MMD2: variants seen among roughly 807,000 people sequenced by gnomAD.
MMD2 encodes the protein monocyte to macrophage differentiation factor 2.
A neutral mutation model predicts 33.5 loss-of-function variants in MMD2; 30 were observed. That is an observed-to-expected ratio of 0.90 (90% CI 0.67 to 1.22). The LOEUF (loss-of-function observed/expected upper bound fraction) is 1.22, where lower values mean the gene tolerates loss of function less well. Ranked by LOEUF, MMD2 falls within the 50% of genes most tolerant of loss-of-function variation. The pLI, the probability that MMD2 is intolerant of heterozygous loss-of-function variation, is 0.00. For synonymous variants in MMD2, 129 were observed against 123.0 expected, an observed-to-expected ratio of 1.05 and a Z score of -0.32; for missense variants, 364 against 325.4, an observed-to-expected ratio of 1.12 and a Z score of -0.91.
Position 4,946,221 on chromosome 7 carries a change from A to G in MMD2, c.47+12750T>C, listed in dbSNP as rs983024172. Among the ~76,000 whole-genome samples, 13 of 151,460 alleles carry G rather than the reference A, an allele frequency of 8.6e-5. No individual in the cohort carries two copies. The highest frequency in any genetic ancestry group is 6.6e-4 in the Admixed American group (10 of 15,162). On this transcript the variant is annotated intron_variant, in intron 1 of 6. Coordinates refer to ENST00000401401, the MANE Select transcript of MMD2 (RefSeq NM_198403.4). The surrounding 1 kb of genome is among the most constrained non-coding windows in gnomAD (Gnocchi z 5.0). Reference sequence around the variant, plus strand: ...CACACACACGCATGCACACACATGCACACATACACGCACACACACGCACAC... The same window carrying G: ...CACACACACGCATGCACACACATGCGCACATACACGCACACACACGCACAC...
chr7:4,934,408 G>A (rs1035308044), intron 1 of MMD2, among the ~76,000 whole-genome samples: 1 of 152,210 alleles, frequency 6.6e-6, no homozygotes, highest in Non-Finnish European at 1.5e-5. Flanking sequence ...TGGCAGGGAT[G>A]CATGTTTAAC....
At position 4,906,792 on chromosome 7, in the gene MMD2, A is replaced by G. The variant is rs1294354627; in HGVS notation, c.*604T>C. ...TCAGAGCACACCAGACAGGAAGGGC[A>G]AAGAGGTCCCATCATGAGTGCCAAA... On this transcript the variant is annotated 3_prime_UTR_variant, in exon 7 of 7. Coordinates refer to ENST00000401401, the MANE Select transcript of MMD2 (RefSeq NM_198403.4). 2.7e-6 allele frequency: 1 copy of G among 366,894 alleles called. No homozygotes were observed. Among genetic ancestry groups the G allele is most frequent in the Admixed American group, 4.6e-5 (1 of 21,890 alleles). 22.7% of individuals were successfully genotyped at this position (366,894 alleles called of 1,614,324 possible).
intron 6 of MMD2, among the ~76,000 whole-genome samples, chr7:4,907,975 T>G (rs1309325768): frequency 6.6e-6 from 1 of 151,806 alleles, no homozygotes; most frequent in Non-Finnish European, 1.5e-5. Context: ...GCCTGGCTAA[T>G]TTTATTTTAT....
At chr7:4,911,472 T>C (rs1262391743) in intron 4 of MMD2, among the ~76,000 whole-genome samples, 1 of 152,096 alleles carries the variant, frequency 6.6e-6, no homozygotes, top group African/African-American at 2.4e-5. Context: ...AAATTGATAA[T>C]ATCTAGAAGA....
intron 2 of MMD2, among the ~76,000 whole-genome samples, chr7:4,921,947 G>A (rs796654234): frequency 5.9e-5 from 9 of 151,840 alleles, no homozygotes; most frequent in African/African-American, 1.7e-4. Flanking sequence ...ATTTCTGGCC[G>A]GGTGCGGTGG....
intron 3 of MMD2, among the ~76,000 whole-genome samples, chr7:4,916,939 G>C (rs78339518): frequency 0.012 from 1,792 of 152,174 alleles, 32 homozygotes; most frequent in African/African-American, 0.041. Context: ...AGGCATAATT[G>C]TGTGTGCCTG....
rs185254473 is a variant in MMD2, at chr7:4,926,824, A to G, written c.48-1292T>C. 7.6e-3 allele frequency among the ~76,000 whole-genome samples: 1,154 copies of G among 151,332 alleles called. 16 individuals carry two copies. Among genetic ancestry groups the G allele is most frequent in the African/African-American group, 0.027 (1,105 of 41,186 alleles). On this transcript the variant is annotated intron_variant, in intron 1 of 6. Coordinates refer to ENST00000401401, the MANE Select transcript of MMD2 (RefSeq NM_198403.4). Reference sequence around the variant, plus strand: ...CAGTGGTGCGATCTCGGCTCACAGCAAGCTCCGCCTCCTGGGTTCACGCCA... The same window carrying G: ...CAGTGGTGCGATCTCGGCTCACAGCGAGCTCCGCCTCCTGGGTTCACGCCA...
At chr7:4,957,412 G>T (rs546362883) in intron 1 of MMD2, among the ~76,000 whole-genome samples, 3 of 152,092 alleles carry the variant, frequency 2.0e-5, no homozygotes, top group Admixed American at 1.3e-4. Flanking sequence ...ACTTTGGGAG[G>T]CCGAGGCGGG....
intron 1 of MMD2, among the ~76,000 whole-genome samples, chr7:4,938,143 T>A (rs1785801165): frequency 6.6e-6 from 1 of 151,444 alleles, no homozygotes; most frequent in Non-Finnish European, 1.5e-5. Flanking sequence ...CCCCCATAGC[T>A]GGGATTACAG....
At chr7:4,912,900 C>T (rs1026213259) in intron 4 of MMD2, among the ~76,000 whole-genome samples, 1 of 152,026 alleles carries the variant, frequency 6.6e-6, no homozygotes, top group South Asian at 2.1e-4. Context: ...GATGGGGTTT[C>T]ACCATGTTGG....
rs186025782 is a variant in MMD2, at chr7:4,953,624, C to T, written c.47+5347G>A. On this transcript the variant is annotated intron_variant, in intron 1 of 6. Transcript: ENST00000401401. ...TAGCTGGGACTACAGGTGCATGCCACCACACCCGGCTAATTTTTGTATTTT... is the reference window on the plus strand; with the variant it reads ...TAGCTGGGACTACAGGTGCATGCCATCACACCCGGCTAATTTTTGTATTTT... Among the ~76,000 whole-genome samples the T allele has an allele frequency of 3.9e-3, 584 of 150,926 alleles. 4 individuals carry two copies. Among genetic ancestry groups the T allele is most frequent in the African/African-American group, 0.013 (536 of 41,092 alleles).
rs116076524 is a variant in MMD2 at position 4,953,385 on chromosome 7, T to C, written c.47+5586A>G. On this transcript the variant is annotated intron_variant, in intron 1 of 6. Coordinates refer to ENST00000401401, the MANE Select transcript of MMD2 (RefSeq NM_198403.4). ...CAGATGTAGGGCTACACATGACCTG[T>C]ATAAAACCCAATTCCAATTCTTTAC... Among the ~76,000 whole-genome samples the C allele has an allele frequency of 9.5e-4, 142 of 150,232 alleles. 1 individual carries two copies. The highest frequency in any genetic ancestry group is 3.4e-3 in the African/African-American group (137 of 40,874).
rs751263232 is a variant in MMD2, at chr7:4,925,435, C to A, written c.129+16G>T. The A allele has an allele frequency of 2.0e-6, 3 of 1,534,878 alleles. No individual in the cohort carries two copies. Among genetic ancestry groups the A allele is most frequent in the Non-Finnish European group, 1.8e-6 (2 of 1,138,496 alleles). On this transcript the variant is annotated intron_variant, in intron 2 of 6. Coordinates refer to ENST00000401401, the MANE Select transcript of MMD2 (RefSeq NM_198403.4). ...TGTCCCCATCTCAGCCCTGAGCCCC[C>A]CAAAAGCCAACTCACAGCATGGGTG...
chr7:4,919,223 C>G (rs570306355), intron 3 of MMD2, among the ~76,000 whole-genome samples: 1 of 152,154 alleles, frequency 6.6e-6, no homozygotes, highest in Admixed American at 6.6e-5. Flanking sequence ...GGAGCTGGCC[C>G]GTCGTGACCA....
intron 1 of MMD2, among the ~76,000 whole-genome samples, chr7:4,941,430 G>T (rs568333613): frequency 6.6e-6 from 1 of 152,182 alleles, no homozygotes; most frequent in Admixed American, 6.6e-5. Context: ...AGGAATTCAA[G>T]ACCAGCCTGG....
At chr7:4,894,654 G>T in the MMD2 span, among the ~76,000 whole-genome samples, 2 of 151,986 alleles carry the variant, frequency 1.3e-5, no homozygotes, top group Non-Finnish European at 1.5e-5. The surrounding 1 kb of genome is among the most constrained non-coding windows in gnomAD (Gnocchi z 4.3). Flanking sequence ...CACTCAGCCC[G>T]CCCCTGGCCA....
chr7:4,909,449 A>G (rs560646264), intron 6 of MMD2, among the ~76,000 whole-genome samples: 1 of 146,240 alleles, frequency 6.8e-6, no homozygotes, highest in Non-Finnish European at 1.5e-5. Flanking sequence ...AAAAAAAAGA[A>G]TTGTTTTTTT....
chr7:4,951,352 C>T (rs1426370704), intron 1 of MMD2, among the ~76,000 whole-genome samples: 1 of 151,930 alleles, frequency 6.6e-6, no homozygotes, highest in Non-Finnish European at 1.5e-5. Flanking sequence ...CGGGTGTGCT[C>T]GGGACTCGTT....
At chr7:4,916,164 G>T in intron 3 of MMD2, 85 bp from the exon 4 acceptor site, 1 of 1,307,686 alleles carries the variant, frequency 7.6e-7, no homozygotes, top group Non-Finnish European at 1.1e-6. Flanking sequence ...TGGACTGATC[G>T]TGCCTGCCTA....
Sources: gnomAD v4.1 joint callset for allele counts (sites outside exome capture counted in the v4.1 genomes callset) on GRCh38, gnomAD v4.1.1 for gene constraint, Gnocchi (gnomAD v3.1) non-coding constraint, MANE v1.5 for transcripts, NCBI Gene and HGNC (gene_info 2026-07-23, HGNC 2026-07-21) for gene names.